CELF4: variants seen among roughly 807,000 people sequenced by gnomAD.
The protein encoded by CELF4 is CUGBP Elav-like family member 4.
A neutral mutation model predicts 59.9 loss-of-function variants in CELF4; 18 were observed. The ratio of observed to expected loss-of-function variants is 0.30; its 90% confidence interval spans 0.21 to 0.45. CELF4 has a LOEUF of 0.45. Among genes scored for constraint, CELF4 ranks in the 20% least tolerant of loss-of-function variants. The pLI is 1.00. For synonymous variants in CELF4, 261 were observed against 267.1 expected (o/e 0.98, Z 0.22); for missense variants, 456 against 689.0 (o/e 0.66, Z 3.79).
chr18:37,483,714 T>A (rs1021433610), intron 2 of CELF4, among the ~76,000 whole-genome samples: 26 of 152,200 alleles, frequency 1.7e-4, no homozygotes, highest in Admixed American at 1.1e-3. Context: ...TGGGCCTTTC[T>A]GCCTGGTAAT....
intron 2 of CELF4, among the ~76,000 whole-genome samples, chr18:37,409,020 C>T (rs559688416): frequency 1.7e-3 from 252 of 152,302 alleles, no homozygotes; most frequent in Non-Finnish European, 2.9e-3. Flanking sequence ...GACTGAATGA[C>T]TCCAAATGAA....
At chr18:37,296,222 C>T (rs1220191502) in intron 3 of CELF4, among the ~76,000 whole-genome samples, 1 of 152,232 alleles carries the variant, frequency 6.6e-6, no homozygotes, top group Non-Finnish European at 1.5e-5. Context: ...GTGGCACTTT[C>T]ATGGCTTACT....
At chr18:37,486,711 C>A (rs2099882049) in intron 1 of CELF4, among the ~76,000 whole-genome samples, 1 of 152,220 alleles carries the variant, frequency 6.6e-6, no homozygotes, top group South Asian at 2.1e-4. Context: ...CCCATGGCCC[C>A]AGAGAAGGCA....
chr18:37,353,838 G>A (rs2098513094), intron 2 of CELF4, among the ~76,000 whole-genome samples: 1 of 148,398 alleles, frequency 6.7e-6, no homozygotes. Context: ...CTCACTGCCA[G>A]CTCCACCTCC....
chr18:37,309,827 G>A (rs2096579996), intron 3 of CELF4, among the ~76,000 whole-genome samples: 1 of 149,294 alleles, frequency 6.7e-6, no homozygotes, highest in Admixed American at 6.8e-5. Context: ...TATCTAGGAT[G>A]CCACATTTTT....
intron 2 of CELF4, among the ~76,000 whole-genome samples, chr18:37,453,654 G>A (rs919186676): frequency 1.3e-5 from 2 of 152,172 alleles, no homozygotes; most frequent in Non-Finnish European, 2.9e-5. Context: ...ACTCGGCACA[G>A]AGCATCGGGG....
intron 2 of CELF4, among the ~76,000 whole-genome samples, chr18:37,401,210 A>C (rs767565995): frequency 2.0e-5 from 3 of 152,210 alleles, no homozygotes; most frequent in African/African-American, 4.8e-5. Flanking sequence ...TCAGAAAAGA[A>C]AGCGACGGAC....
At chr18:37,537,540 T>A (rs2099974489) in intron 1 of CELF4, among the ~76,000 whole-genome samples, 1 of 152,188 alleles carries the variant, frequency 6.6e-6, no homozygotes, top group Non-Finnish European at 1.5e-5. Flanking sequence ...GTCATGCCTC[T>A]GCAAAAGGAC....
chr18:37,259,077 G>A (rs753410324), intron 11 of CELF4, 104 bp downstream of exon 11: 25 of 1,573,572 alleles, frequency 1.6e-5, no homozygotes, highest in Admixed American at 3.6e-5. Context: ...TGCGAGCACC[G>A]CCCTGTCCTA....
At chr18:37,495,855 G>T (rs2099924581) in intron 1 of CELF4, among the ~76,000 whole-genome samples, 1 of 152,132 alleles carries the variant, frequency 6.6e-6, no homozygotes, top group Non-Finnish European at 1.5e-5. Flanking sequence ...GTGCTTGTGT[G>T]TGTGTGTGTT....
chr18:37,314,986 T>C (rs1475518312), intron 3 of CELF4, among the ~76,000 whole-genome samples: 1 of 151,918 alleles, frequency 6.6e-6, no homozygotes. Flanking sequence ...TCTGGCAGCT[T>C]CTCTATGCAA....
At chr18:37,538,447 C>T (rs2099975346) in intron 1 of CELF4, among the ~76,000 whole-genome samples, 1 of 152,204 alleles carries the variant, frequency 6.6e-6, no homozygotes, top group Non-Finnish European at 1.5e-5. Flanking sequence ...CCTGGAGCCT[C>T]TCTCTCTGGC....
chr18:37,283,644 C>G (rs1023763679), intron 3 of CELF4, among the ~76,000 whole-genome samples: 8 of 152,040 alleles, frequency 5.3e-5, no homozygotes, highest in Admixed American at 4.6e-4. Flanking sequence ...GGACAAGGAG[C>G]TGACCTTCAG....
At position 37,499,499 on chromosome 18, in the gene CELF4, G is replaced by A. The variant is rs527343230; in HGVS notation, c.287-13892C>T. Among the ~76,000 whole-genome samples the A allele has an allele frequency of 7.5e-4, 114 of 152,316 alleles. No individual in the cohort carries two copies. In the Middle Eastern group the frequency reaches 0.01, roughly 14 times the overall value. On this transcript the variant is annotated intron_variant, in intron 1 of 12. Coordinates refer to ENST00000420428, the MANE Select transcript of CELF4 (RefSeq NM_020180.4). ...TGAGAGGGGACAGCCTGGGAGGGAC[G>A]GGGAGCCCCAAGAGGGTGGCAGGTC...
At chr18:37,316,051 C>T (rs1416567799) in intron 3 of CELF4, among the ~76,000 whole-genome samples, 2 of 152,140 alleles carry the variant, frequency 1.3e-5, no homozygotes, top group East Asian at 3.9e-4. Flanking sequence ...GTCAGGGCTG[C>T]AGGGCAGCTT....
At chr18:37,500,358 G>A (rs1333842714) in intron 1 of CELF4, among the ~76,000 whole-genome samples, 1 of 152,126 alleles carries the variant, frequency 6.6e-6, no homozygotes, top group Non-Finnish European at 1.5e-5. Context: ...TAGGGCCGAG[G>A]AGGGGTGTTG....
chr18:37,365,481 A>ATTTTTTTTTTTTTTTTTTTTT (rs10670336), intron 2 of CELF4, among the ~76,000 whole-genome samples: 1 of 97,764 alleles, frequency 1.0e-5, no homozygotes. Flanking sequence ...GGATGGGGCA[A>ATTTTTTTTTTTTTTTTTTTTT]TTTTTTTTTT....
chr18:37,506,087 C>T (rs913212275), intron 1 of CELF4, among the ~76,000 whole-genome samples: 1 of 151,760 alleles, frequency 6.6e-6, no homozygotes, highest in Admixed American at 6.6e-5. Flanking sequence ...CCAACGCCGC[C>T]CCCCTGTTCT....
At position 37,243,864 on chromosome 18, in the gene CELF4, G is replaced by C. The variant is rs1018446456; in HGVS notation, c.*1378C>G. On this transcript the variant is annotated 3_prime_UTR_variant, in exon 13 of 13. Coordinates refer to ENST00000420428, the MANE Select transcript of CELF4 (RefSeq NM_020180.4). Reference sequence around the variant, plus strand: ...GGAAGGCGAGTGAAGCGGAAGGTGAGTGAAGCGCGCGCAGCTCCCAGAGGG... The same window carrying C: ...GGAAGGCGAGTGAAGCGGAAGGTGACTGAAGCGCGCGCAGCTCCCAGAGGG... 1 of 180,688 alleles carries C rather than the reference G, an allele frequency of 5.5e-6. No homozygotes were observed. The highest frequency in any genetic ancestry group is 2.4e-5 in the African/African-American group (1 of 41,978). The allele number at this position is 180,688 out of a possible 1,614,324, so 11.2% of individuals were successfully genotyped here. A position where few individuals can be genotyped will look rare whatever the true frequency, so the allele number is the denominator to read the frequency against.
Sources: allele counts gnomAD v4.1 joint callset (sites outside exome capture counted in the v4.1 genomes callset), GRCh38; gene constraint gnomAD v4.1.1; transcripts MANE v1.5; gene names NCBI Gene and HGNC (gene_info 2026-07-23, HGNC 2026-07-21).